The following SLC1A6 variants were observed in gnomAD, a reference collection of about 807,000 sequenced individuals.
SLC1A6 encodes the protein excitatory amino acid transporter 4.
A neutral mutation model predicts 42.1 loss-of-function variants in SLC1A6; 15 were observed. That is an observed-to-expected ratio of 0.36 (90% CI 0.24 to 0.55). The LOEUF is 0.55. SLC1A6 is among the 20% of genes least tolerant of loss of function. SLC1A6 has a pLI of 0.88. For missense variants in SLC1A6, 542 were observed against 772.5 expected (o/e 0.70, Z 3.54); for synonymous variants, 317 against 319.7 (o/e 0.99, Z 0.09).
chr19:14,950,832 C>A lies in SLC1A6; in HGVS notation c.1500-442G>T, dbSNP rs565802480. ...TGGTAGCATGTGCCTGTAGTCCCAG[C>A]TACTTGGGAGGCTGAGATGGCAGGG... On this transcript the variant is annotated intron_variant, in intron 9 of 9. Coordinates refer to ENST00000594383, the MANE Select transcript of SLC1A6 (RefSeq NM_005071.3). 4.0e-5 allele frequency among the ~76,000 whole-genome samples: 6 copies of A among 151,814 alleles called. No homozygotes were observed. In the South Asian group the frequency reaches 1.0e-3, roughly 26 times the overall value.
chr19:14,972,452 A>G (rs2045652090), intron 2 of SLC1A6, among the ~76,000 whole-genome samples: 1 of 152,224 alleles, frequency 6.6e-6, no homozygotes, highest in South Asian at 2.1e-4. Context: ...TACATTGTAT[A>G]TGTATATATG....
At chr19:15,006,109 T>C (rs2045894718) in intron 1 of SLC1A6, among the ~76,000 whole-genome samples, 1 of 152,230 alleles carries the variant, frequency 6.6e-6, no homozygotes, top group Non-Finnish European at 1.5e-5. Flanking sequence ...TTCATTCTAT[T>C]AATAAAAGTC....
rs374470079 is a variant in SLC1A6, at chr19:14,954,317, C to T, written c.1182G>A (p.Leu394=). 7.5e-6 allele frequency: 12 copies of T among 1,608,166 alleles called. No individual in the cohort carries two copies. Among genetic ancestry groups the T allele is most frequent in the East Asian group, 2.2e-5 (1 of 44,902 alleles). ...AMGTSSSSAT[L]PITFRCLEEG... ...CCTCCAGGCAGCGGAAGGTGATGGGCAGCGTTGCCGAGCTGGGGGAAAGAG... is the reference window on the plus strand; with the variant it reads ...CCTCCAGGCAGCGGAAGGTGATGGGTAGCGTTGCCGAGCTGGGGGAAAGAG... Residue 394 remains leucine (L), a synonymous_variant, in exon 8 of 10, where the codon CTG becomes CTA. Coordinates refer to ENST00000594383, the MANE Select transcript of SLC1A6 (RefSeq NM_005071.3).
intron 1 of SLC1A6, chr19:14,977,064 A>G (rs2045719610): frequency 6.6e-6 from 1 of 150,624 alleles, no homozygotes; most frequent in Non-Finnish European, 1.5e-5. Context: ...AAAATCCCAA[A>G]GAGTGAACCA....
At chr19:15,001,475 G>A (rs1167416537) in intron 1 of SLC1A6, among the ~76,000 whole-genome samples, 1 of 152,200 alleles carries the variant, frequency 6.6e-6, no homozygotes, top group Non-Finnish European at 1.5e-5. Context: ...CACGGATGGT[G>A]AGCACATCAT....
At chr19:14,986,925 C>A (rs2045795627) in intron 1 of SLC1A6, among the ~76,000 whole-genome samples, 1 of 152,122 alleles carries the variant, frequency 6.6e-6, no homozygotes, top group Non-Finnish European at 1.5e-5. Context: ...AATATAATGA[C>A]CCCTAGTACA....
chr19:14,997,465 C>T (rs535188767), intron 1 of SLC1A6, among the ~76,000 whole-genome samples: 1 of 152,112 alleles, frequency 6.6e-6, no homozygotes, highest in East Asian at 1.9e-4. Flanking sequence ...TGATAATTGT[C>T]TCAGATATTT....
At chr19:14,980,202 C>G (rs114363611), upstream of SLC1A6, 10 of 152,438 alleles carry the variant, frequency 6.6e-5, no homozygotes, top group Non-Finnish European at 1.5e-4. Flanking sequence ...TGGCTTCCTC[C>G]GCTAAACAAG....
At chr19:14,961,841 T>A (rs1365868887) in intron 6 of SLC1A6, 161 bp downstream of exon 6, 2 of 1,057,104 alleles carry the variant, frequency 1.9e-6, no homozygotes, top group East Asian at 5.3e-5. Context: ...GATGAAATCA[T>A]CCCAGAAAGA....
chr19:14,960,930 C>T (rs897935823), intron 6 of SLC1A6, among the ~76,000 whole-genome samples: 152 of 138,700 alleles, frequency 1.1e-3, no homozygotes, highest in African/African-American at 3.7e-3. Context: ...TGGTCTCTCC[C>T]TTTTTTTTTT....
At chr19:14,987,881 C>T (rs550879683) in intron 1 of SLC1A6, among the ~76,000 whole-genome samples, 68 of 152,236 alleles carry the variant, frequency 4.5e-4, no homozygotes, top group African/African-American at 1.6e-3. Flanking sequence ...TTTTTTGAGA[C>T]AGGATCTGAC....
intron 1 of SLC1A6, among the ~76,000 whole-genome samples, chr19:14,993,018 A>AG (rs1397167546): frequency 6.6e-6 from 1 of 152,156 alleles, no homozygotes; most frequent in Non-Finnish European, 1.5e-5. Flanking sequence ...CACCGTTCCC[A>AG]GGGCCCCAGA....
At chr19:14,984,589 A>G (rs1047519421), upstream of SLC1A6, among the ~76,000 whole-genome samples, 2 of 152,252 alleles carry the variant, frequency 1.3e-5, no homozygotes, top group African/African-American at 4.8e-5. Context: ...GAACAGTTGC[A>G]ATGCAGAATT....
chr19:14,992,125 G>GCCTTCTGCTTTTCAGGCTC (rs2045823642), intron 1 of SLC1A6, among the ~76,000 whole-genome samples: 1 of 152,124 alleles, frequency 6.6e-6, no homozygotes, highest in Non-Finnish European at 1.5e-5. Context: ...CGCGCCCAGT[G>GCCTTCTGCTTTTCAGGCTC]CCTTCTGCTT....
chr19:14,967,532 T>C (rs1194737614), intron 4 of SLC1A6, among the ~76,000 whole-genome samples: 1 of 152,166 alleles, frequency 6.6e-6, no homozygotes, highest in Non-Finnish European at 1.5e-5. Flanking sequence ...CCCACATTAA[T>C]GTTATTAATG....
chr19:14,996,453 C>A (rs977443171), intron 1 of SLC1A6, among the ~76,000 whole-genome samples: 1 of 151,952 alleles, frequency 6.6e-6, no homozygotes, highest in Non-Finnish European at 1.5e-5. Context: ...GCCAATTGGT[C>A]AGTTTGTTCT....
At chr19:15,003,208 C>T (rs2045880503) in intron 1 of SLC1A6, among the ~76,000 whole-genome samples, 1 of 152,184 alleles carries the variant, frequency 6.6e-6, no homozygotes, top group African/African-American at 2.4e-5. Context: ...GAACTCCTGG[C>T]CTCAACTGAT....
intron 1 of SLC1A6, among the ~76,000 whole-genome samples, chr19:14,995,891 A>G (rs1568300852): frequency 2.6e-5 from 4 of 152,170 alleles, no homozygotes; most frequent in African/African-American, 9.7e-5. Context: ...CCCGGAAAAG[A>G]ACATTAGACA....
At chr19:14,954,101 C>T in intron 8 of SLC1A6, 34 bp downstream of exon 8, 1 of 1,512,810 alleles carries the variant, frequency 6.6e-7, no homozygotes, top group Non-Finnish European at 9.0e-7. Context: ...GCTTAAGTCT[C>T]ACCTGCTGGC....
Sources: allele counts gnomAD v4.1 joint callset (sites outside exome capture counted in the v4.1 genomes callset), GRCh38; gene constraint gnomAD v4.1.1; transcripts MANE v1.5; gene names NCBI Gene and HGNC (gene_info 2026-07-23, HGNC 2026-07-21).